Variants in GRTP1 observed in about 807,000 individuals in gnomAD.
GRTP1 encodes growth hormone regulated TBC protein 1, also known as growth hormone-regulated TBC protein 1.
GRTP1 carries 56 observed loss-of-function variants against 38.1 expected under a neutral mutation model. That is an observed-to-expected ratio of 1.47 (90% CI 1.19 to 1.84). The LOEUF is 1.84. Ranked by LOEUF, GRTP1 falls within the 40% of genes most tolerant of loss-of-function variation. The pLI is 0.00. For missense variants in GRTP1, 506 were observed against 453.9 expected, an observed-to-expected ratio of 1.11 and a Z score of -1.04; for synonymous variants, 217 against 189.5, an observed-to-expected ratio of 1.14 and a Z score of -1.19.
intron 4 of GRTP1, among the ~76,000 whole-genome samples, 166 bp downstream of exon 4, chr13:113,350,683 C>T (rs181232652): frequency 7.4e-4 from 113 of 152,318 alleles, no homozygotes; most frequent in African/African-American, 2.5e-3. Context: ...CTGCTGCTCC[C>T]TGTCCTCCCT....
intron 5 of GRTP1, among the ~76,000 whole-genome samples, chr13:113,344,039 A>G (rs1378467996): frequency 6.6e-6 from 1 of 152,266 alleles, no homozygotes; most frequent in East Asian, 1.9e-4. Flanking sequence ...ATTAATAAAT[A>G]GAAAAGTGGA....
intron 5 of GRTP1, among the ~76,000 whole-genome samples, chr13:113,328,241 C>T (rs552528490): frequency 7.2e-5 from 11 of 152,290 alleles, no homozygotes; most frequent in African/African-American, 2.2e-4. Context: ...CATTCATCAC[C>T]GAGGCTCCGG....
chr13:113,343,062 C>T lies in GRTP1; in HGVS notation c.562+1801G>A, dbSNP rs1595490448. 6.6e-6 allele frequency among the ~76,000 whole-genome samples: 1 copy of T among 152,094 alleles called. No homozygotes were observed. The highest frequency in any genetic ancestry group is 2.4e-5 in the African/African-American group (1 of 41,412). On this transcript the variant is annotated intron_variant, in intron 5 of 7. Coordinates refer to ENST00000375431, the MANE Select transcript of GRTP1 (RefSeq NM_024719.4). The surrounding 1 kb of genome is among the most constrained non-coding windows in gnomAD (Gnocchi z 4.8). ...GTGCTCACCGATGTTTCCCACACCCCTGAACGGCGCCCAGAACACGATAGG... is the reference window on the plus strand; with the variant it reads ...GTGCTCACCGATGTTTCCCACACCCTTGAACGGCGCCCAGAACACGATAGG...
At chr13:113,324,654 G>A (rs912010) in intron 7 of GRTP1, 77 bp from the exon 8 acceptor site, 1,508,401 of 1,514,290 alleles carry the variant, frequency 1, 751,379 homozygotes, top group South Asian at 1. Flanking sequence ...TGGCAGGCAG[G>A]CAGACAGGCC....
At position 113,343,859 on chromosome 13, in the gene GRTP1, C is replaced by G. The variant is rs1329248369; in HGVS notation, c.562+1004G>C. Among the ~76,000 whole-genome samples, 2 of 152,190 alleles carry G rather than the reference C, an allele frequency of 1.3e-5. No homozygotes were observed. The highest frequency in any genetic ancestry group is 2.4e-5 in the African/African-American group (1 of 41,442). ...CCCTTGACCCAGCACCACAGCCAGG[C>G]TGGGGAAGGGCAGAGTGGTCTCAGC... On this transcript the variant is annotated intron_variant, in intron 5 of 7. Coordinates refer to ENST00000375431, the MANE Select transcript of GRTP1 (RefSeq NM_024719.4). This position sits in a 1 kb window ranked among gnomAD's most constrained non-coding sequence, Gnocchi z 4.8.
chr13:113,359,972 A>T (rs1221053969), intron 2 of GRTP1: 1 of 152,242 alleles, frequency 6.6e-6, no homozygotes, highest in African/African-American at 2.4e-5. Context: ...AACAGTTGGG[A>T]AATTTTTAAA....
intron 4 of GRTP1, among the ~76,000 whole-genome samples, chr13:113,345,785 T>C (rs1346774930): frequency 6.6e-6 from 1 of 152,234 alleles, no homozygotes; most frequent in Non-Finnish European, 1.5e-5. Context: ...CACGCAGCCT[T>C]ACACGTCCCT....
At chr13:113,356,610 C>T (rs1272663977) in intron 2 of GRTP1, among the ~76,000 whole-genome samples, 2 of 152,108 alleles carry the variant, frequency 1.3e-5, no homozygotes, top group Non-Finnish European at 2.9e-5. Context: ...AGAAACCATA[C>T]TTTACAAAAG....
At chr13:113,327,287 TC>T (rs1181852863) in intron 5 of GRTP1, among the ~76,000 whole-genome samples, 1 of 152,226 alleles carries the variant, frequency 6.6e-6, no homozygotes, top group East Asian at 1.9e-4. Context: ...CAAGCAATTC[TC>T]CTGCCTTAGC....
intron 5 of GRTP1, among the ~76,000 whole-genome samples, chr13:113,329,087 G>A (rs1258878778): frequency 9.9e-5 from 15 of 152,254 alleles, no homozygotes; most frequent in African/African-American, 2.4e-4. Flanking sequence ...CAGGGTGTGC[G>A]TGACACGTGT....
chr13:113,332,962 T>A (rs1005764472), intron 5 of GRTP1, among the ~76,000 whole-genome samples: 2 of 152,202 alleles, frequency 1.3e-5, no homozygotes, highest in African/African-American at 4.8e-5. Context: ...CACACAGCAC[T>A]GACCAACCGC....
At position 113,333,574 on chromosome 13, in the gene GRTP1, G is replaced by A. The variant is rs183163177; in HGVS notation, c.563-7483C>T. 1.0e-3 allele frequency among the ~76,000 whole-genome samples: 155 copies of A among 152,050 alleles called. 1 individual carries two copies. Among genetic ancestry groups the A allele is most frequent in the African/African-American group, 3.6e-3 (149 of 41,466 alleles). On this transcript the variant is annotated intron_variant, in intron 5 of 7. Transcript: ENST00000375431. ...GGCTGGAGAGCAGTGGCGTGATCTC[G>A]GCTCACTGCAACCTCCACCTCCCAG...
In GRTP1 at chr13:113,355,325, G is replaced by A; in HGVS notation, c.338C>T (p.Thr113Ile). The stretch of plus-strand genomic sequence containing the variant: ...GAGCTCGACCCCCACCGCCTCACCT[G>A]TCCTGATGGCGTCCTCCAGCCTGGG... ...RNPRLEDAIR[T>I]DLNRTFPDNV... The change falls in exon 3 of 8, where the codon ACA becomes ATA. Residue 113 changes from threonine to isoleucine, a missense_variant and splice_region_variant. By Grantham distance (89) the Thr-to-Ile change is moderately conservative (BLOSUM62 -1). Coordinates refer to ENST00000375431, the MANE Select transcript of GRTP1 (RefSeq NM_024719.4). 1.2e-6 allele frequency: 2 copies of A among 1,613,932 alleles called. No individual in the cohort carries two copies. Among genetic ancestry groups the A allele is most frequent in the Non-Finnish European group, 1.7e-6 (2 of 1,179,926 alleles).
At chr13:113,363,704 C>T in intron 2 of GRTP1, 58 bp downstream of exon 2, 3 of 1,532,814 alleles carry the variant, frequency 2.0e-6, no homozygotes, top group Non-Finnish European at 2.7e-6. Context: ...CTTTGCCCGG[C>T]CCGTCCCAGC....
chr13:113,351,437 A>G lies in GRTP1; in HGVS notation c.341-464T>C, dbSNP rs1182548776. On this transcript the variant is annotated intron_variant, in intron 3 of 7. Coordinates refer to ENST00000375431, the MANE Select transcript of GRTP1 (RefSeq NM_024719.4). The stretch of plus-strand genomic sequence containing the variant: ...AAACAGAAGGAGACAGAATAAATTG[A>G]GACTCCTCAGAGATAAAGGACACGG... Among the ~76,000 whole-genome samples the G allele has an allele frequency of 2.0e-5, 3 of 152,220 alleles. No individual in the cohort carries two copies. The East Asian group carries it at 5.8e-4, about 29-fold the overall frequency.
At chr13:113,332,193 A>G (rs1025794739) in intron 5 of GRTP1, among the ~76,000 whole-genome samples, 1 of 152,152 alleles carries the variant, frequency 6.6e-6, no homozygotes, top group Admixed American at 6.5e-5. Context: ...ACATTTCAGC[A>G]CATTTGCTCC....
chr13:113,325,932 A>T lies in GRTP1; in HGVS notation c.722T>A (p.Ile241Asn), dbSNP rs1467257609. 1 of 1,613,872 alleles carries T rather than the reference A, an allele frequency of 6.2e-7. No homozygotes were observed. The highest frequency in any genetic ancestry group is 1.7e-5 in the Admixed American group (1 of 60,006). ...TGAGGCGCTCACCTCCACGGGCAAG[A>T]TGTCCACAAACAGGCAGATGAACCA... Reference protein sequence around the residue: ...SRWFICLFVDILPVETVLRIW... With the variant: ...SRWFICLFVDNLPVETVLRIW... Residue 241 changes from isoleucine (I) to asparagine (N), a missense_variant, in exon 6 of 8, where the codon ATC becomes AAC. Ile to Asn is a moderately radical substitution (Grantham distance 149, BLOSUM62 -3). Transcript: ENST00000375431.
intron 3 of GRTP1, chr13:113,351,962 CA>C (rs1483290326): frequency 2.6e-5 from 4 of 152,152 alleles, no homozygotes; most frequent in Non-Finnish European, 5.9e-5. Flanking sequence ...ACAACGGCTG[CA>C]AAATACTGTA....
chr13:113,345,307 T>C (rs1227650993), intron 4 of GRTP1, among the ~76,000 whole-genome samples: 1 of 152,266 alleles, frequency 6.6e-6, no homozygotes, highest in Admixed American at 6.5e-5. Context: ...CATGAAACTC[T>C]CTGCCAGAGA....
Sources: gnomAD v4.1 joint callset for allele counts (sites outside exome capture counted in the v4.1 genomes callset) on GRCh38, gnomAD v4.1.1 for gene constraint, Gnocchi (gnomAD v3.1) non-coding constraint, MANE v1.5 for transcripts, NCBI Gene and HGNC (gene_info 2026-07-23, HGNC 2026-07-21) for gene names.